Variants in CACNA2D3 observed in about 807,000 individuals in gnomAD.
CACNA2D3 encodes the protein calcium voltage-gated channel auxiliary subunit alpha2delta 3.
CACNA2D3 carries 60 observed loss-of-function variants against 160.6 expected under a neutral mutation model. The ratio of observed to expected loss-of-function variants is 0.37; its 90% confidence interval spans 0.30 to 0.46. CACNA2D3 has a LOEUF of 0.46. Among genes scored for constraint, CACNA2D3 ranks in the 20% least tolerant of loss-of-function variants. The probability of loss-of-function intolerance (pLI) is 1.00; values close to 1 mark genes in which losing one functional copy is unlikely to be tolerated. For synonymous variants in CACNA2D3, 558 were observed against 492.9 expected (o/e 1.13, Z -1.75); for missense variants, 1,205 against 1,365.0 (o/e 0.88, Z 1.85).
chr3:54,851,229 A>G (rs1445950710), intron 17 of CACNA2D3, among the ~76,000 whole-genome samples: 1 of 152,190 alleles, frequency 6.6e-6, no homozygotes, highest in African/African-American at 2.4e-5. Context: ...AGCCTAGGAT[A>G]TTATGTGCCT....
intron 9 of CACNA2D3, among the ~76,000 whole-genome samples, chr3:54,607,854 A>C (rs1004802379): frequency 3.3e-5 from 5 of 152,208 alleles, no homozygotes; most frequent in African/African-American, 1.2e-4. Context: ...GGAATGAATA[A>C]ACAGACTATG....
chr3:54,190,860 A>C (rs1291927113), intron 2 of CACNA2D3, among the ~76,000 whole-genome samples: 1 of 152,166 alleles, frequency 6.6e-6, no homozygotes, highest in Admixed American at 6.5e-5. Context: ...CCTAGTGGCC[A>C]TGTGATCTTG....
chr3:55,009,339 A>G, intron 33 of CACNA2D3, 49 bp from the exon 34 acceptor site: 1 of 1,485,076 alleles, frequency 6.7e-7, no homozygotes, highest in Non-Finnish European at 9.4e-7. Flanking sequence ...GTTCTGTGAT[A>G]TGGGCATGGA....
intron 11 of CACNA2D3, among the ~76,000 whole-genome samples, chr3:54,721,912 A>G (rs1390172783): frequency 1.3e-5 from 2 of 152,018 alleles, no homozygotes; most frequent in Non-Finnish European, 2.9e-5. Context: ...CTCGAGGAGT[A>G]TCTTTGTGGT....
intron 13 of CACNA2D3, among the ~76,000 whole-genome samples, chr3:54,779,856 C>T (rs1702498581): frequency 6.6e-6 from 1 of 152,132 alleles, no homozygotes. Flanking sequence ...TGACTTTTCC[C>T]TCTCTTTTAA....
Position 55,073,438 on chromosome 3 carries a change from C to A in CACNA2D3, c.2988-7C>A. 1 of 1,602,496 alleles carries A rather than the reference C, an allele frequency of 6.2e-7. No individual in the cohort carries two copies. Among genetic ancestry groups the A allele is most frequent in the Non-Finnish European group, 8.6e-7 (1 of 1,169,452 alleles). ...AATGACTGCCTCGCTACCTCTTGTT[C>A]CAACAGGTCCTTTGTCATCCAGCAA... On this transcript the variant is annotated splice_region_variant and splice_polypyrimidine_tract_variant and intron_variant, in intron 35 of 37. Transcript: ENST00000474759.
At chr3:54,717,620 G>A (rs1342222546) in intron 11 of CACNA2D3, among the ~76,000 whole-genome samples, 2 of 141,880 alleles carry the variant, frequency 1.4e-5, no homozygotes, top group African/African-American at 5.3e-5. Flanking sequence ...GGTGTGTGTA[G>A]TGTGCATGTG....
At chr3:54,527,888 G>T (rs929466305) in intron 5 of CACNA2D3, among the ~76,000 whole-genome samples, 1 of 151,996 alleles carries the variant, frequency 6.6e-6, no homozygotes, top group African/African-American at 2.4e-5. Flanking sequence ...GTTTTAGTGG[G>T]GTTTCTTGAA....
intron 29 of CACNA2D3, among the ~76,000 whole-genome samples, chr3:54,984,102 T>C (rs1702562890): frequency 6.6e-6 from 1 of 152,174 alleles, no homozygotes. Context: ...CCCCCCTGCC[T>C]CAGTCTATGA....
intron 2 of CACNA2D3, among the ~76,000 whole-genome samples, chr3:54,304,260 C>G (rs1056365216): frequency 1.3e-5 from 2 of 152,122 alleles, no homozygotes; most frequent in Non-Finnish European, 2.9e-5. Flanking sequence ...ATGAGCCTCC[C>G]CTCTTCCTGG....
intron 35 of CACNA2D3, among the ~76,000 whole-genome samples, chr3:55,071,784 T>TTCA (rs1230723135): frequency 6.6e-6 from 1 of 152,234 alleles, no homozygotes; most frequent in East Asian, 1.9e-4. Context: ...ATGTCATATT[T>TTCA]TCATCTCTTC....
rs188847760 is a variant in CACNA2D3, at chr3:54,936,151, C to T, written c.2450-32299C>T. ...GAAAGGGTTAAACAGTTTTTTATCA[C>T]GAGAATCATAGCAAAAAAAAAAAAA... On this transcript the variant is annotated intron_variant, in intron 27 of 37. Transcript: ENST00000474759. Among the ~76,000 whole-genome samples the T allele has an allele frequency of 3.2e-4, 47 of 148,090 alleles. No homozygotes were observed. The East Asian group carries it at 5.1e-3, about 16-fold the overall frequency.
intron 9 of CACNA2D3, among the ~76,000 whole-genome samples, chr3:54,592,552 A>G (rs1471530369): frequency 6.6e-6 from 1 of 152,084 alleles, no homozygotes. Flanking sequence ...CTAATCTACT[A>G]CAGACCTTCT....
chr3:54,313,598 C>T (rs1703792579), intron 2 of CACNA2D3, among the ~76,000 whole-genome samples: 1 of 152,138 alleles, frequency 6.6e-6, no homozygotes, highest in South Asian at 2.1e-4. Context: ...GGCCTCATCT[C>T]TCACCAAAGT....
At chr3:55,045,671 A>C (rs1480243477) in intron 35 of CACNA2D3, among the ~76,000 whole-genome samples, 1 of 152,178 alleles carries the variant, frequency 6.6e-6, no homozygotes, top group Non-Finnish European at 1.5e-5. Flanking sequence ...TATTGAATTT[A>C]TGAGCATTGT....
rs1703191018 is a variant in CACNA2D3 at position 54,291,100 on chromosome 3, GA to G, written c.205-29338del. Among the ~76,000 whole-genome samples, 6 of 152,262 alleles carry G rather than the reference GA, an allele frequency of 3.9e-5. No individual in the cohort carries two copies. The South Asian group carries it at 1.2e-3, about 32-fold the overall frequency. ...TGTACCTACATACACAGGATGGATG[GA>G]AAACATCGTGGCAGGTTGCATACCA... On this transcript the variant is annotated intron_variant, in intron 2 of 37. Transcript: ENST00000474759.
intron 11 of CACNA2D3, among the ~76,000 whole-genome samples, chr3:54,642,753 C>T (rs563775598): frequency 2.6e-5 from 4 of 152,264 alleles, no homozygotes; most frequent in South Asian, 2.1e-4. Context: ...TTGCTTTCCA[C>T]GTTGACAGTT....
At chr3:54,639,040 AGGGTTGGGGCGCGGAAATAAG>A (rs1228981896) in intron 10 of CACNA2D3, 2 of 151,796 alleles carry the variant, frequency 1.3e-5, no homozygotes, top group Non-Finnish European at 2.9e-5. Flanking sequence ...AAGCAGAGAA[AGGGTTGGGGCGCGGAAATAAG>A]GGATTGGGGC....
chr3:54,891,179 T>TTG (rs1559619042), intron 24 of CACNA2D3, among the ~76,000 whole-genome samples, 176 bp from the exon 25 acceptor site: 2 of 83,266 alleles, frequency 2.4e-5, no homozygotes, highest in South Asian at 1.0e-3. Flanking sequence ...CAATCTGTGC[T>TTG]CGTGTGTGTG....
Sources: allele counts gnomAD v4.1 joint callset (sites outside exome capture counted in the v4.1 genomes callset), GRCh38; gene constraint gnomAD v4.1.1; transcripts MANE v1.5; gene names NCBI Gene and HGNC (gene_info 2026-07-23, HGNC 2026-07-21).